Variants in ANP32B observed in about 807,000 individuals in gnomAD.
ANP32B encodes the protein acidic leucine-rich nuclear phosphoprotein 32 family member B.
A neutral mutation model predicts 32.2 loss-of-function variants in ANP32B; 6 were observed. The ratio of observed to expected loss-of-function variants is 0.19; its 90% CI spans 0.10 to 0.37. The LOEUF is 0.37. ANP32B is among the 10% of genes least tolerant of loss of function. ANP32B has a pLI of 1.00. For missense variants in ANP32B, 204 were observed against 289.2 expected (o/e 0.71, Z 2.14); for synonymous variants, 98 against 105.8 (o/e 0.93, Z 0.45).
intron 3 of ANP32B, among the ~76,000 whole-genome samples, chr9:98,003,325 G>T (rs1392250076): frequency 6.6e-6 from 1 of 152,216 alleles, no homozygotes; most frequent in Non-Finnish European, 1.5e-5. Flanking sequence ...TCATCAAGAA[G>T]ATGAAGTTCT....
At chr9:97,983,726 TG>T in intron 1 of ANP32B, 117 bp downstream of exon 1, 1 of 763,960 alleles carries the variant, frequency 1.3e-6, no homozygotes, top group Admixed American at 4.2e-5. Flanking sequence ...GCGCAGCTCG[TG>T]GGCTCGGACG....
chr9:97,986,396 C>T (rs944146279), intron 1 of ANP32B, among the ~76,000 whole-genome samples: 1 of 152,030 alleles, frequency 6.6e-6, no homozygotes, highest in African/African-American at 2.4e-5. Flanking sequence ...GTTGTGGGAG[C>T]CAGCTAAGAT....
At chr9:98,014,448 A>G (rs531511009) in intron 6 of ANP32B, among the ~76,000 whole-genome samples, 46 of 152,276 alleles carry the variant, frequency 3.0e-4, no homozygotes, top group Middle Eastern at 6.8e-3. Flanking sequence ...TTTAACATAT[A>G]GTTAATTTCA....
chr9:98,000,556 C>G (rs1037651183), intron 3 of ANP32B, among the ~76,000 whole-genome samples: 13 of 152,132 alleles, frequency 8.5e-5, no homozygotes, highest in African/African-American at 3.1e-4. Context: ...TGACTGTCCT[C>G]TTTTTAGAGA....
chr9:97,986,804 G>C (rs894264441), intron 1 of ANP32B: 2 of 152,324 alleles, frequency 1.3e-5, no homozygotes, highest in East Asian at 3.9e-4. Flanking sequence ...GTTGTTGTAT[G>C]AACAGGATGC....
At position 98,011,407 on chromosome 9, in the gene ANP32B, C is replaced by A; in HGVS notation, c.636+18C>A. The A allele has an allele frequency of 6.3e-7, 1 of 1,580,940 alleles. No individual in the cohort carries two copies. Among genetic ancestry groups the A allele is most frequent in the East Asian group, 2.3e-5 (1 of 44,334 alleles). On this transcript the variant is annotated intron_variant, in intron 5 of 6. Coordinates refer to ENST00000339399, the MANE Select transcript of ANP32B (RefSeq NM_006401.3). ...GTGAGGAGGTCAGTGCAGCTGTTTTCTACCCTGCTTCCTATTTGTAATTAC... is the reference window on the plus strand; with the variant it reads ...GTGAGGAGGTCAGTGCAGCTGTTTTATACCCTGCTTCCTATTTGTAATTAC...
At chr9:98,011,532 T>A (rs971547316) in intron 5 of ANP32B, 143 bp downstream of exon 5, 1 of 1,266,858 alleles carries the variant, frequency 7.9e-7, no homozygotes, top group African/African-American at 1.5e-5. Flanking sequence ...TGAATCTGGT[T>A]AATTTAGTGT....
intron 4 of ANP32B, among the ~76,000 whole-genome samples, chr9:98,006,826 A>G (rs959872477): frequency 6.6e-6 from 1 of 152,064 alleles, no homozygotes; most frequent in Non-Finnish European, 1.5e-5. Context: ...CTGGCTCTGC[A>G]AAAATACAAA....
chr9:97,983,442 G>C lies in ANP32B; in HGVS notation c.-114G>C. 1.0e-6 allele frequency: 1 copy of C among 983,036 alleles called. No individual in the cohort carries two copies. Among genetic ancestry groups the C allele is most frequent in the Admixed American group, 2.2e-5 (1 of 45,358 alleles). The allele number at this position is 983,036 out of a possible 1,614,324, so 60.9% of individuals were successfully genotyped here. On this transcript the variant is annotated 5_prime_UTR_variant, in exon 1 of 7. Transcript: ENST00000339399. Reference sequence around the variant, plus strand: ...CCCGCCACCCAGGACCGCGCCGCCGGCCTCCGCCGCTAGCAAACCCTTCCG... The same window carrying C: ...CCCGCCACCCAGGACCGCGCCGCCGCCCTCCGCCGCTAGCAAACCCTTCCG...
rs374646265 is a variant in ANP32B, at chr9:98,000,661, C to T, written c.327+1983C>T. On this transcript the variant is annotated intron_variant, in intron 3 of 6. Transcript: ENST00000339399. ...AGTCTAGGCTGGGCACGGTGGTTCA[C>T]GCCTGTAATCCCAGCACTTTGGGAG... Among the ~76,000 whole-genome samples, 16 of 152,210 alleles carry T rather than the reference C, an allele frequency of 1.1e-4. No individual in the cohort carries two copies. In the South Asian group the frequency reaches 2.5e-3, roughly 24 times the overall value.
At chr9:97,988,878 C>T (rs1827780219) in intron 1 of ANP32B, among the ~76,000 whole-genome samples, 2 of 152,086 alleles carry the variant, frequency 1.3e-5, no homozygotes, top group African/African-American at 4.8e-5. Context: ...TTTCACTTAC[C>T]ATAATAACCA....
intron 6 of ANP32B, among the ~76,000 whole-genome samples, chr9:98,014,586 A>C (rs1828243356): frequency 6.6e-6 from 1 of 152,196 alleles, no homozygotes; most frequent in African/African-American, 2.4e-5. Flanking sequence ...TTGAGTCTTA[A>C]TGATGTTCCA....
intron 1 of ANP32B, among the ~76,000 whole-genome samples, chr9:97,988,846 T>TA (rs1335953903): frequency 6.6e-6 from 1 of 152,228 alleles, no homozygotes; most frequent in Non-Finnish European, 1.5e-5. Context: ...TGGCAGGAAT[T>TA]ACTTTCTATA....
At chr9:98,004,798 AACCT>A in intron 3 of ANP32B, 162 bp from the exon 4 acceptor site, 2 of 502,608 alleles carry the variant, frequency 4.0e-6, no homozygotes, top group Non-Finnish European at 7.0e-6. Context: ...AAAGTCTAGT[AACCT>A]AATATAAAGG....
chr9:98,012,584 G>A (rs1564142285), intron 6 of ANP32B, 112 bp downstream of exon 6: 1 of 1,455,014 alleles, frequency 6.9e-7, no homozygotes, highest in East Asian at 2.5e-5. Context: ...TGGCTCTGGT[G>A]GTTTACACAT....
chr9:98,011,793 T>C (rs1253581821), intron 5 of ANP32B, among the ~76,000 whole-genome samples: 4 of 152,228 alleles, frequency 2.6e-5, no homozygotes, highest in African/African-American at 7.2e-5. Flanking sequence ...ATATATCTGC[T>C]ATGTTAAAGA....
At chr9:97,993,929 G>A (rs969763870) in intron 1 of ANP32B, among the ~76,000 whole-genome samples, 4 of 152,168 alleles carry the variant, frequency 2.6e-5, no homozygotes, top group South Asian at 2.1e-4. Context: ...CACTGCGCCC[G>A]GCCAGATGTG....
rs1828055087 is a variant in ANP32B, at chr9:98,005,071, G to A, written c.435G>A (p.Leu145=). 6.2e-7 allele frequency: 1 copy of A among 1,613,978 alleles called. No individual in the cohort carries two copies. Among genetic ancestry groups the A allele is most frequent in the Admixed American group, 1.7e-5 (1 of 60,012 alleles). The change falls in exon 4 of 7, where the codon TTG becomes TTA. Residue 145 remains leucine (L), a synonymous_variant. Transcript: ENST00000339399. ...VFKLLPQLTY[L]DGYDREDQEA... Reference sequence around the variant, plus strand: ...AGCTCCTGCCCCAGCTTACCTACTTGGATGGCTATGACCGAGAGGACCAGG... The same window carrying A: ...AGCTCCTGCCCCAGCTTACCTACTTAGATGGCTATGACCGAGAGGACCAGG...
At chr9:97,994,006 T>C (rs1827868628) in intron 1 of ANP32B, among the ~76,000 whole-genome samples, 1 of 152,228 alleles carries the variant, frequency 6.6e-6, no homozygotes. Context: ...TTTAATTTAT[T>C]ATGTAGCAGT....
Sources: allele counts gnomAD v4.1 joint callset (sites outside exome capture counted in the v4.1 genomes callset), GRCh38; gene constraint gnomAD v4.1.1; transcripts MANE v1.5; gene names NCBI Gene and HGNC (gene_info 2026-07-23, HGNC 2026-07-21).